SH3RF3: variants seen among roughly 807,000 people sequenced by gnomAD.
The protein encoded by SH3RF3 is SH3 domain containing ring finger 3.
SH3RF3 carries 29 observed loss-of-function variants against 66.3 expected under a neutral mutation model. That is an observed-to-expected ratio of 0.44 (90% CI 0.33 to 0.60). SH3RF3 has a LOEUF of 0.60. Among genes scored for constraint, SH3RF3 ranks in the 20% least tolerant of loss-of-function variants. SH3RF3 has a pLI of 0.04. For synonymous variants in SH3RF3, 583 were observed against 532.0 expected (o/e 1.10, Z -1.32); for missense variants, 1,194 against 1,190.9 (o/e 1.00, Z -0.04).
At chr2:109,303,530 G>C (rs1480964095) in intron 1 of SH3RF3, among the ~76,000 whole-genome samples, 1 of 152,182 alleles carries the variant, frequency 6.6e-6, no homozygotes, top group Non-Finnish European at 1.5e-5. Context: ...ACCCTGCAAT[G>C]GTCTGTTTCC....
At chr2:109,400,572 T>TGC (rs756692550) in intron 4 of SH3RF3, among the ~76,000 whole-genome samples, 15 of 111,490 alleles carry the variant, frequency 1.3e-4, no homozygotes, top group African/African-American at 4.4e-4. Context: ...TACACACCTG[T>TGC]GCGCACACAC....
At chr2:109,305,079 C>T (rs1425065707) in intron 1 of SH3RF3, among the ~76,000 whole-genome samples, 2 of 152,186 alleles carry the variant, frequency 1.3e-5, no homozygotes, top group Non-Finnish European at 2.9e-5. Flanking sequence ...TATTTGGGTC[C>T]ATGCTGTAAG....
At chr2:109,487,905 A>C (rs1679024862) in intron 8 of SH3RF3, among the ~76,000 whole-genome samples, 1 of 150,326 alleles carries the variant, frequency 6.7e-6, no homozygotes, top group South Asian at 2.1e-4. Flanking sequence ...AGTGAACAAA[A>C]CAAACACGAC....
At chr2:109,451,102 T>C (rs759607250) in intron 8 of SH3RF3, among the ~76,000 whole-genome samples, 16 of 152,226 alleles carry the variant, frequency 1.1e-4, no homozygotes, top group Admixed American at 2.0e-4. Context: ...CCTCCTGTGT[T>C]GTTCAGTCCA....
intron 1 of SH3RF3, among the ~76,000 whole-genome samples, chr2:109,174,563 G>T (rs145132060): frequency 6.6e-6 from 1 of 152,346 alleles, no homozygotes; most frequent in Non-Finnish European, 1.5e-5. Context: ...AACCCATGGT[G>T]TCTGGAATTC....
chr2:109,403,689 C>T (rs1251908636), intron 4 of SH3RF3, among the ~76,000 whole-genome samples: 1 of 152,200 alleles, frequency 6.6e-6, no homozygotes, highest in East Asian at 1.9e-4. Flanking sequence ...GGTGGAGGTG[C>T]AGGCTCCCTC....
chr2:109,440,666 G>T (rs974196490), intron 7 of SH3RF3, among the ~76,000 whole-genome samples: 1 of 152,144 alleles, frequency 6.6e-6, no homozygotes, highest in South Asian at 2.1e-4. Flanking sequence ...GCAGGCAGTG[G>T]CAAAAGGAGG....
intron 1 of SH3RF3, among the ~76,000 whole-genome samples, chr2:109,174,490 G>A (rs1352071393): frequency 6.6e-6 from 1 of 152,232 alleles, no homozygotes; most frequent in African/African-American, 2.4e-5. Flanking sequence ...TCACTTGGCT[G>A]CTGCCAGGCC....
Position 109,231,052 on chromosome 2 carries a change from G to T in SH3RF3, c.573+100939G>T, listed in dbSNP as rs144648231. Among the ~76,000 whole-genome samples, 10 of 152,382 alleles carry T rather than the reference G, an allele frequency of 6.6e-5. No homozygotes were observed. The East Asian group carries it at 1.9e-3, about 29-fold the overall frequency. On this transcript the variant is annotated intron_variant, in intron 1 of 9. Transcript: ENST00000309415. ...CCTGAATGTCAGCACGGACAGAGCA[G>T]CAGAGTTGGCTTCTGGGACACAGTT... is the stretch of plus-strand genomic sequence containing the variant.
intron 2 of SH3RF3, among the ~76,000 whole-genome samples, chr2:109,357,432 C>T (rs897642632): frequency 1.3e-5 from 2 of 152,190 alleles, no homozygotes; most frequent in African/African-American, 2.4e-5. Context: ...CCACCCACCT[C>T]GGCCTCCCAA....
At chr2:109,488,026 C>T (rs1209953293) in intron 8 of SH3RF3, among the ~76,000 whole-genome samples, 2 of 152,222 alleles carry the variant, frequency 1.3e-5, no homozygotes, top group African/African-American at 2.4e-5. Flanking sequence ...AAGGCTAATT[C>T]CTTTTCCTTT....
chr2:109,194,579 C>T (rs144359315), intron 1 of SH3RF3, among the ~76,000 whole-genome samples: 24 of 152,300 alleles, frequency 1.6e-4, no homozygotes, highest in African/African-American at 4.3e-4. Flanking sequence ...GCCCGGCGGG[C>T]GGGCTGGGTA....
At chr2:109,464,547 A>G (rs1253372399) in intron 8 of SH3RF3, among the ~76,000 whole-genome samples, 2 of 152,350 alleles carry the variant, frequency 1.3e-5, no homozygotes, top group East Asian at 3.9e-4. Context: ...CACATCCTGC[A>G]GAGTTGATCC....
chr2:109,468,010 T>G (rs1335486369), intron 8 of SH3RF3, among the ~76,000 whole-genome samples: 1 of 152,200 alleles, frequency 6.6e-6, no homozygotes, highest in Non-Finnish European at 1.5e-5. Flanking sequence ...GGAAAACATT[T>G]CAGCCCAGAA....
intron 1 of SH3RF3, among the ~76,000 whole-genome samples, chr2:109,339,873 C>A (rs1682518815): frequency 6.6e-6 from 1 of 152,302 alleles, no homozygotes; most frequent in African/African-American, 2.4e-5. Context: ...CCTTTCCCTT[C>A]CATAATTAAA....
intron 8 of SH3RF3, among the ~76,000 whole-genome samples, chr2:109,471,498 T>G (rs1678507716): frequency 1.3e-5 from 2 of 152,108 alleles, no homozygotes; most frequent in Admixed American, 1.3e-4. Context: ...TCCCTCCAGG[T>G]CCCTCTTTGA....
intron 2 of SH3RF3, among the ~76,000 whole-genome samples, chr2:109,352,550 A>G (rs1017248036): frequency 3.9e-5 from 6 of 152,290 alleles, no homozygotes; most frequent in East Asian, 1.9e-4. Flanking sequence ...CGATGAGGAA[A>G]CTTTAGCTTT....
chr2:109,304,388 A>C (rs754986532), intron 1 of SH3RF3, among the ~76,000 whole-genome samples: 2 of 152,110 alleles, frequency 1.3e-5, no homozygotes, highest in South Asian at 2.1e-4. Flanking sequence ...ATGTCCTCCA[A>C]GTTCATCCAT....
chr2:109,469,644 T>G (rs1438013639), intron 8 of SH3RF3, among the ~76,000 whole-genome samples: 1 of 152,182 alleles, frequency 6.6e-6, no homozygotes, highest in Non-Finnish European at 1.5e-5. Flanking sequence ...GCACTGGTCT[T>G]GTGTACTTCT....
Sources: allele counts gnomAD v4.1 joint callset (sites outside exome capture counted in the v4.1 genomes callset), GRCh38; gene constraint gnomAD v4.1.1; transcripts MANE v1.5; gene names NCBI Gene and HGNC (gene_info 2026-07-23, HGNC 2026-07-21).